The following TAFA1 variants were observed in gnomAD, a reference collection of about 807,000 sequenced individuals.
TAFA1 encodes chemokine-like protein TAFA-1.
TAFA1 carries 4 observed loss-of-function variants against 18.5 expected under a neutral mutation model. The observed-to-expected ratio is 0.22, with a 90% CI of 0.11 to 0.49. The LOEUF (loss-of-function observed/expected upper bound fraction) is 0.49, where lower values mean the gene tolerates loss of function less well. Among genes scored for constraint, TAFA1 ranks in the 20% least tolerant of loss-of-function variants. TAFA1 has a pLI of 0.98. For missense variants in TAFA1, 147 were observed against 169.0 expected (o/e 0.87, Z 0.72); for synonymous variants, 56 against 55.2 (o/e 1.01, Z -0.06).
intron 2 of TAFA1, among the ~76,000 whole-genome samples, chr3:68,283,232 G>A (rs2067933172): frequency 6.6e-6 from 1 of 152,156 alleles, no homozygotes; most frequent in Non-Finnish European, 1.5e-5. Flanking sequence ...CTAGAGGTTT[G>A]ATAACTATGT....
intron 3 of TAFA1, among the ~76,000 whole-genome samples, chr3:68,452,537 A>AC (rs926323061): frequency 4.6e-5 from 7 of 151,424 alleles, no homozygotes; most frequent in African/African-American, 1.7e-4. Flanking sequence ...AAAAAAAAAA[A>AC]AAAACTAGCA....
chr3:68,044,118 C>A (rs1415083000), intron 2 of TAFA1, among the ~76,000 whole-genome samples: 1 of 152,156 alleles, frequency 6.6e-6, no homozygotes, highest in African/African-American at 2.4e-5. Flanking sequence ...TGGATGAGAA[C>A]CCTTTCTGTT....
chr3:68,413,246 T>C (rs1017630307), intron 2 of TAFA1, among the ~76,000 whole-genome samples: 1 of 152,176 alleles, frequency 6.6e-6, no homozygotes, highest in African/African-American at 2.4e-5. Flanking sequence ...TCTTGTAAAT[T>C]TGTTTGAGTT....
chr3:68,079,836 G>T (rs971207855), intron 2 of TAFA1, among the ~76,000 whole-genome samples: 2 of 152,114 alleles, frequency 1.3e-5, no homozygotes, highest in African/African-American at 4.8e-5. Context: ...GGTCGGCTTG[G>T]TGCAGAGCTG....
intron 3 of TAFA1, among the ~76,000 whole-genome samples, chr3:68,538,469 T>C (rs1401721166): frequency 6.6e-6 from 1 of 152,196 alleles, no homozygotes; most frequent in Non-Finnish European, 1.5e-5. Context: ...AGAAGCAAGA[T>C]GGAGTCAGCT....
intron 2 of TAFA1, among the ~76,000 whole-genome samples, chr3:68,214,025 T>G (rs1330709852): frequency 6.6e-6 from 1 of 152,142 alleles, no homozygotes; most frequent in Non-Finnish European, 1.5e-5. Flanking sequence ...TATATATGTG[T>G]CTACTGCAGT....
chr3:68,239,265 A>T (rs2066968356), intron 2 of TAFA1, among the ~76,000 whole-genome samples: 1 of 152,158 alleles, frequency 6.6e-6, no homozygotes, highest in Admixed American at 6.6e-5. Flanking sequence ...AAGAACTAAC[A>T]ATTATGACTG....
At chr3:68,496,522 C>A (rs752960561) in intron 3 of TAFA1, among the ~76,000 whole-genome samples, 22 of 152,180 alleles carry the variant, frequency 1.4e-4, no homozygotes, top group Non-Finnish European at 2.9e-4. Context: ...CAGGCAACAG[C>A]AGCATCAACT....
chr3:68,245,058 G>A (rs1056231813), intron 2 of TAFA1, among the ~76,000 whole-genome samples: 6 of 152,162 alleles, frequency 3.9e-5, no homozygotes, highest in African/African-American at 1.2e-4. Context: ...AGTCAGGACC[G>A]ATGACCTCTT....
intron 2 of TAFA1, among the ~76,000 whole-genome samples, chr3:68,329,201 A>G (rs1246639681): frequency 7.1e-6 from 1 of 140,304 alleles, no homozygotes; most frequent in Non-Finnish European, 1.5e-5. Context: ...GGTGTGCACA[A>G]CCATGCCTGG....
chr3:68,447,243 A>G lies in TAFA1; in HGVS notation c.259+29823A>G, dbSNP rs151322649. On this transcript the variant is annotated intron_variant, in intron 3 of 4. Coordinates refer to ENST00000478136, the MANE Select transcript of TAFA1 (RefSeq NM_213609.4). ...CTAAGATTAGTGGTAAGATTATTCTATTTTATGGAGAGGAAAACTGAGATG... is the reference window on the plus strand; with the variant it reads ...CTAAGATTAGTGGTAAGATTATTCTGTTTTATGGAGAGGAAAACTGAGATG... Among the ~76,000 whole-genome samples the G allele has an allele frequency of 4.5e-3, 678 of 152,256 alleles. 8 individuals are homozygous for G. The highest frequency in any genetic ancestry group is 6.8e-3 in the Middle Eastern group (2 of 292).
intron 2 of TAFA1, among the ~76,000 whole-genome samples, chr3:68,350,956 T>A (rs1450376751): frequency 4.6e-5 from 7 of 152,120 alleles, no homozygotes; most frequent in Admixed American, 6.6e-5. Flanking sequence ...TGGTACTGTC[T>A]TACTTGATTA....
intron 2 of TAFA1, among the ~76,000 whole-genome samples, chr3:68,187,512 C>T (rs1270617296): frequency 1.3e-5 from 2 of 151,960 alleles, no homozygotes; most frequent in Admixed American, 6.6e-5. Flanking sequence ...AATTGATTAT[C>T]TTGGGTGATA....
chr3:68,517,053 C>T (rs980100126), intron 3 of TAFA1, among the ~76,000 whole-genome samples: 23 of 152,150 alleles, frequency 1.5e-4, no homozygotes, highest in East Asian at 1.9e-4. Context: ...GGATTACAGA[C>T]GTGAGCCACC....
intron 2 of TAFA1, among the ~76,000 whole-genome samples, chr3:68,038,532 C>A (rs74670661): frequency 6.6e-6 from 1 of 152,264 alleles, no homozygotes; most frequent in East Asian, 1.9e-4. Flanking sequence ...AGAGCCCGAA[C>A]TCTAGCAGGT....
chr3:68,172,106 G>A (rs963536518), intron 2 of TAFA1, among the ~76,000 whole-genome samples: 13 of 152,152 alleles, frequency 8.5e-5, no homozygotes, highest in Non-Finnish European at 1.3e-4. Flanking sequence ...GATTGAAGCA[G>A]TTCAACGAAT....
At chr3:68,312,582 C>G (rs991000871) in intron 2 of TAFA1, among the ~76,000 whole-genome samples, 1 of 152,100 alleles carries the variant, frequency 6.6e-6, no homozygotes, top group Non-Finnish European at 1.5e-5. Context: ...CTTCAGTTCC[C>G]AACAAGTTCT....
At chr3:68,538,000 G>A (rs1019210286) in intron 3 of TAFA1, among the ~76,000 whole-genome samples, 3 of 152,122 alleles carry the variant, frequency 2.0e-5, no homozygotes, top group African/African-American at 4.8e-5. Flanking sequence ...AGTTTGGTGG[G>A]CAGGGGGCTA....
intron 2 of TAFA1, among the ~76,000 whole-genome samples, chr3:68,409,733 C>G (rs1372853979): frequency 6.6e-6 from 1 of 152,124 alleles, no homozygotes; most frequent in East Asian, 1.9e-4. Context: ...CGGACATTAG[C>G]AAGTTCCCAT....
Sources: gnomAD v4.1 joint callset for allele counts (sites outside exome capture counted in the v4.1 genomes callset) on GRCh38, gnomAD v4.1.1 for gene constraint, MANE v1.5 for transcripts, NCBI Gene and HGNC (gene_info 2026-07-23, HGNC 2026-07-21) for gene names.